Variants in GPM6A observed in about 807,000 individuals in gnomAD.
GPM6A encodes the protein neuronal membrane glycoprotein M6-a.
In GPM6A, 7 loss-of-function variants were observed where a neutral mutation model predicts 32.1. That is an observed-to-expected ratio of 0.22 (90% CI 0.12 to 0.41). GPM6A has a LOEUF of 0.41. GPM6A is among the 10% of genes least tolerant of loss of function. GPM6A has a pLI of 1.00. For synonymous variants in GPM6A, 130 were observed against 123.4 expected (o/e 1.05, Z -0.35); for missense variants, 235 against 347.2 (o/e 0.68, Z 2.57).
intron 1 of GPM6A, among the ~76,000 whole-genome samples, chr4:175,789,776 C>G (rs1011112978): frequency 6.6e-6 from 1 of 152,212 alleles, no homozygotes; most frequent in Non-Finnish European, 1.5e-5. Flanking sequence ...GTTTTACCAT[C>G]TTCCTGCTCC....
At chr4:175,961,791 G>A (rs919065765) in intron 1 of GPM6A, among the ~76,000 whole-genome samples, 5 of 152,154 alleles carry the variant, frequency 3.3e-5, no homozygotes, top group Admixed American at 3.3e-4. Flanking sequence ...TATTCTGCCA[G>A]TGCCTACCCA....
chr4:175,734,335 C>T (rs1034736801), intron 1 of GPM6A, among the ~76,000 whole-genome samples: 4 of 152,108 alleles, frequency 2.6e-5, no homozygotes, highest in African/African-American at 9.6e-5. Context: ...GTCACTTGAT[C>T]ATTTCCCTGT....
At chr4:175,743,588 A>G (rs1303111154) in intron 1 of GPM6A, among the ~76,000 whole-genome samples, 6 of 152,116 alleles carry the variant, frequency 3.9e-5, no homozygotes, top group Admixed American at 1.3e-4. Context: ...CAATTAAAAG[A>G]CAAATGTGTC....
At chr4:175,969,999 C>G (rs891653160) in intron 1 of GPM6A, among the ~76,000 whole-genome samples, 1 of 152,160 alleles carries the variant, frequency 6.6e-6, no homozygotes, top group African/African-American at 2.4e-5. Flanking sequence ...ACTTTCAGGA[C>G]CAATTCAGCA....
chr4:175,883,016 G>T (rs150656500), intron 1 of GPM6A, among the ~76,000 whole-genome samples: 1 of 152,146 alleles, frequency 6.6e-6, no homozygotes, highest in African/African-American at 2.4e-5. Flanking sequence ...ATAGAAAAAA[G>T]AATTCATTTC....
Position 175,772,187 on chromosome 4 carries a change from GTCTA to G in GPM6A, c.37+40000_37+40003del, listed in dbSNP as rs201663040. On this transcript the variant is annotated intron_variant, in intron 1 of 6. Transcript: ENST00000393658. ...CCACAAACACCTTAATATGAGGCCAGTCTATCTGTCAATCACAATTTATTATCAG... is the reference window on the plus strand; with the variant it reads ...CCACAAACACCTTAATATGAGGCCAGTCTGTCAATCACAATTTATTATCAG... Among the ~76,000 whole-genome samples, 59 of 152,288 alleles carry G rather than the reference GTCTA, an allele frequency of 3.9e-4. No individual in the cohort carries two copies. The East Asian group carries it at 9.9e-3, about 25-fold the overall frequency.
intron 1 of GPM6A, chr4:175,800,860 G>C (rs62336053): frequency 5.1e-6 from 1 of 197,406 alleles, no homozygotes; most frequent in Non-Finnish European, 1.2e-5. Context: ...CAGGCTCTGA[G>C]ACTCCATTGA....
intron 1 of GPM6A, among the ~76,000 whole-genome samples, chr4:175,956,145 G>A (rs758080708): frequency 6.6e-6 from 1 of 152,208 alleles, no homozygotes; most frequent in African/African-American, 2.4e-5. Context: ...AACCTCTTGA[G>A]GATATTGGTC....
intron 6 of GPM6A, among the ~76,000 whole-genome samples, chr4:175,637,363 T>A (rs1424973575): frequency 1.3e-5 from 1 of 79,844 alleles, no homozygotes; most frequent in African/African-American, 5.5e-5. Context: ...ATATAATATA[T>A]AACATATAAT....
intron 1 of GPM6A, among the ~76,000 whole-genome samples, chr4:175,868,064 C>T (rs560889409): frequency 1.2e-4 from 19 of 152,294 alleles, no homozygotes; most frequent in Non-Finnish European, 1.6e-4. Context: ...CCCCGTGACT[C>T]GGTTTCTCTC....
intron 1 of GPM6A, among the ~76,000 whole-genome samples, chr4:175,719,230 C>T (rs1020042344): frequency 6.7e-6 from 1 of 150,136 alleles, no homozygotes; most frequent in Admixed American, 6.6e-5. Flanking sequence ...GAAGGAGTCT[C>T]GCTCTGTCAC....
intron 1 of GPM6A, among the ~76,000 whole-genome samples, chr4:175,791,533 G>A (rs1046387065): frequency 7.9e-5 from 12 of 152,116 alleles, no homozygotes; most frequent in Non-Finnish European, 1.3e-4. Context: ...TATATGTAAA[G>A]TAAGAGCAAT....
At chr4:175,798,878 T>C (rs1391116292) in intron 1 of GPM6A, among the ~76,000 whole-genome samples, 1 of 152,182 alleles carries the variant, frequency 6.6e-6, no homozygotes, top group East Asian at 1.9e-4. Context: ...AAATGTAAAA[T>C]GCATTTTTTA....
At chr4:175,641,054 T>A (rs1404977258) in intron 4 of GPM6A, 1 of 506,054 alleles carries the variant, frequency 2.0e-6, no homozygotes, top group Non-Finnish European at 3.5e-6. Flanking sequence ...ATAATTTCAA[T>A]CTGAATTCAA....
intron 1 of GPM6A, among the ~76,000 whole-genome samples, chr4:175,856,194 G>A (rs111856266): frequency 2.4e-4 from 37 of 152,340 alleles, no homozygotes; most frequent in Middle Eastern, 3.4e-3. Context: ...AACTAAGACA[G>A]TCAGAGTAAA....
At chr4:175,912,395 C>G (rs555333697) in intron 1 of GPM6A, among the ~76,000 whole-genome samples, 1 of 152,078 alleles carries the variant, frequency 6.6e-6, no homozygotes, top group Non-Finnish European at 1.5e-5. Context: ...TGGCTCATAC[C>G]TGTAATCCCA....
intron 1 of GPM6A, among the ~76,000 whole-genome samples, chr4:175,830,220 G>T (rs983561713): frequency 1.3e-5 from 2 of 152,176 alleles, no homozygotes; most frequent in African/African-American, 4.8e-5. Context: ...CCATGAGCTA[G>T]CAGTGATGAA....
chr4:175,650,582 G>A lies in GPM6A; in HGVS notation c.541+1252C>T, dbSNP rs567930295. On this transcript the variant is annotated intron_variant, in intron 4 of 6. Coordinates refer to ENST00000393658, the MANE Select transcript of GPM6A (RefSeq NM_201591.3). ...AGTCTCCCAAAGTGCTGGGATTACAGGTATGAGTCACCACGCCCCACCTGA... is the reference window on the plus strand; with the variant it reads ...AGTCTCCCAAAGTGCTGGGATTACAAGTATGAGTCACCACGCCCCACCTGA... 4.6e-5 allele frequency among the ~76,000 whole-genome samples: 7 copies of A among 152,190 alleles called. 1 individual carries two copies. Among genetic ancestry groups the A allele is most frequent in the African/African-American group, 1.4e-4 (6 of 41,508 alleles).
chr4:175,787,559 C>T (rs1389612156), intron 1 of GPM6A: 5 of 1,387,816 alleles, frequency 3.6e-6, no homozygotes, highest in Non-Finnish European at 3.7e-6. Context: ...TGATTACATA[C>T]TTGTTGATGA....
Sources: allele counts gnomAD v4.1 joint callset (sites outside exome capture counted in the v4.1 genomes callset), GRCh38; gene constraint gnomAD v4.1.1; transcripts MANE v1.5; gene names NCBI Gene and HGNC (gene_info 2026-07-23, HGNC 2026-07-21).